OPALIN: variants seen among roughly 807,000 people sequenced by gnomAD.
The protein encoded by OPALIN is oligodendrocytic myelin paranodal and inner loop protein.
OPALIN carries 15 observed loss-of-function variants against 17.8 expected under a neutral mutation model. That is an observed-to-expected ratio of 0.84 (90% CI 0.56 to 1.29). OPALIN has a LOEUF of 1.29. Among genes scored for constraint, OPALIN ranks in the 50% most tolerant of loss-of-function variants. OPALIN has a pLI of 0.00. For missense variants in OPALIN, 170 were observed against 176.0 expected, an observed-to-expected ratio of 0.97 and a Z score of 0.19; for synonymous variants, 62 against 63.8, an observed-to-expected ratio of 0.97 and a Z score of 0.14.
intron 2 of OPALIN, chr10:96,353,452 G>A (rs752309057): frequency 3.1e-5 from 50 of 1,610,678 alleles, no homozygotes; most frequent in South Asian, 2.3e-4. Flanking sequence ...CCTACCATCC[G>A]CATTGTCCAG....
At chr10:96,355,453 G>A (rs1022686354) in intron 1 of OPALIN, among the ~76,000 whole-genome samples, 163 bp from the exon 2 acceptor site, 1 of 152,080 alleles carries the variant, frequency 6.6e-6, no homozygotes, top group Non-Finnish European at 1.5e-5. Context: ...AAGAAGGAAG[G>A]GGAGGCAAGG....
intron 1 of OPALIN, chr10:96,357,103 C>T: frequency 1.0e-6 from 1 of 985,500 alleles, no homozygotes; most frequent in African/African-American, 1.7e-5. Flanking sequence ...AACCACTGCT[C>T]TTCACGCTAG....
At chr10:96,357,626 G>T (rs1427933840) in intron 1 of OPALIN, among the ~76,000 whole-genome samples, 1 of 152,132 alleles carries the variant, frequency 6.6e-6, no homozygotes, top group East Asian at 1.9e-4. Context: ...CTATTAACTT[G>T]CCTTGCCCAC....
At chr10:96,354,745 T>C (rs547646887) in intron 2 of OPALIN, among the ~76,000 whole-genome samples, 41 of 150,892 alleles carry the variant, frequency 2.7e-4, no homozygotes, top group African/African-American at 9.2e-4. Context: ...TTATAAGTTT[T>C]ATAATGGAAA....
Position 96,345,713 on chromosome 10 carries a change from C to G in OPALIN, c.*228G>C, listed in dbSNP as rs2134007311. 1 of 416,520 alleles carries G rather than the reference C, an allele frequency of 2.4e-6. No individual in the cohort carries two copies. The highest frequency in any genetic ancestry group is 4.2e-6 in the Non-Finnish European group (1 of 236,704). The allele number at this position is 416,520 out of a possible 1,614,324, so 25.8% of individuals were successfully genotyped here. A position where few individuals can be genotyped will look rare whatever the true frequency, so the allele number is the denominator to read the frequency against. On this transcript the variant is annotated 3_prime_UTR_variant, in exon 6 of 6. Transcript: ENST00000371172. Reference sequence around the variant, plus strand: ...GGAGCAGGAATAGGATCTAAGGACCCCATCTGGTGAGTCACATGTACTAAC... The same window carrying G: ...GGAGCAGGAATAGGATCTAAGGACCGCATCTGGTGAGTCACATGTACTAAC...
At chr10:96,356,775 C>T (rs530818384) in intron 1 of OPALIN, 3 of 546,942 alleles carry the variant, frequency 5.5e-6, no homozygotes, top group Non-Finnish European at 7.0e-6. Context: ...GCTCAACTAG[C>T]ACGCTTCAGT....
chr10:96,349,065 A>C (rs1845459614), intron 4 of OPALIN, among the ~76,000 whole-genome samples: 1 of 152,198 alleles, frequency 6.6e-6, no homozygotes, highest in Admixed American at 6.5e-5. Flanking sequence ...CTCAATTTTC[A>C]ATCTCTTAAT....
Position 96,358,922 on chromosome 10 carries a change from T to C in OPALIN, c.-26A>G, listed in dbSNP as rs897114114. On this transcript the variant is annotated 5_prime_UTR_variant, in exon 1 of 6. Coordinates refer to ENST00000371172, the MANE Select transcript of OPALIN (RefSeq NM_033207.5). The stretch of plus-strand genomic sequence containing the variant: ...TTCTGACAGTCTCCCAGGAACCTTC[T>C]TCGTACACTGCCTTTGGTAAGCTCC... The C allele has an allele frequency of 1.2e-6, 2 of 1,613,664 alleles. No individual in the cohort carries two copies. The highest frequency in any genetic ancestry group is 1.7e-6 in the Non-Finnish European group (2 of 1,179,506).
Position 96,345,072 on chromosome 10 carries a change from TG to T in OPALIN, c.*868del, listed in dbSNP as rs539005372. ...AGATAACAATTTGGATCATAGGCCA[TG>T]GAGAAAGTTTGTCCTAAATGTTCCC... On this transcript the variant is annotated 3_prime_UTR_variant, in exon 6 of 6. Coordinates refer to ENST00000371172, the MANE Select transcript of OPALIN (RefSeq NM_033207.5). 2 of 152,336 alleles carry T rather than the reference TG, an allele frequency of 1.3e-5. No homozygotes were observed. Among genetic ancestry groups the T allele is most frequent in the African/African-American group, 4.8e-5 (2 of 41,572 alleles). The allele number at this position is 152,336 out of a possible 1,614,324, so 9.4% of individuals were successfully genotyped here.
chr10:96,353,404 G>A (rs1182696282), intron 2 of OPALIN: 1 of 1,612,892 alleles, frequency 6.2e-7, no homozygotes, highest in Admixed American at 1.7e-5. Context: ...TGAAGTGGAA[G>A]GGTTATGCAG....
Position 96,346,104 on chromosome 10 carries a change from G to T in OPALIN, c.263C>A (p.Ser88Ter). Residue 88 changes from serine to a stop codon, truncating the protein, a stop_gained, in exon 6 of 6, where the codon TCA becomes TAA. Transcript: ENST00000371172. LOFTEE classifies it high-confidence loss of function. ...NPKISENPRR[S>*]PTHEKNTMGA... ...CATCGTATTCTTCTCATGTGTGGGT[G>T]ATCTCCTAGGATTCTTAAGGAAACA... 2 of 1,613,498 alleles carry T rather than the reference G, an allele frequency of 1.2e-6. No individual in the cohort carries two copies. Among genetic ancestry groups the T allele is most frequent in the Non-Finnish European group, 1.7e-6 (2 of 1,179,696 alleles).
At chr10:96,358,186 TAAAAAA>T (rs61616596) in intron 1 of OPALIN, among the ~76,000 whole-genome samples, 2,028 of 61,590 alleles carry the variant, frequency 0.033, 63 homozygotes, top group African/African-American at 0.096. Flanking sequence ...ATGCTTTTTG[TAAAAAA>T]AAAAAAAAAA....
intron 2 of OPALIN, among the ~76,000 whole-genome samples, chr10:96,352,706 G>T (rs1326080338): frequency 6.6e-6 from 1 of 151,374 alleles, no homozygotes; most frequent in Non-Finnish European, 1.5e-5. Flanking sequence ...AAAAAGGAAG[G>T]TGTTAACTCT....
chr10:96,353,505 G>A, intron 2 of OPALIN: 1 of 1,355,052 alleles, frequency 7.4e-7, no homozygotes, highest in Non-Finnish European at 1.1e-6. Flanking sequence ...GACAACACCA[G>A]GCAAAGCAAA....
intron 2 of OPALIN, 67 bp downstream of exon 2, chr10:96,355,188 A>T: frequency 7.5e-7 from 1 of 1,325,372 alleles, no homozygotes; most frequent in Non-Finnish European, 1.1e-6. Flanking sequence ...TGAGTTCTGG[A>T]GACCTACTGT....
At chr10:96,357,920 G>A (rs1172608812) in intron 1 of OPALIN, among the ~76,000 whole-genome samples, 1 of 152,060 alleles carries the variant, frequency 6.6e-6, no homozygotes, top group East Asian at 1.9e-4. Context: ...GTGGCTGAAC[G>A]TCCTTCATTA....
At chr10:96,356,127 G>C (rs796326774) in intron 1 of OPALIN, among the ~76,000 whole-genome samples, 2 of 152,290 alleles carry the variant, frequency 1.3e-5, no homozygotes, top group East Asian at 3.9e-4. Context: ...GGGTGGAAGT[G>C]GTCTTGTTCC....
intron 2 of OPALIN, 120 bp from the exon 3 acceptor site, chr10:96,351,530 T>G: frequency 1.9e-6 from 1 of 533,088 alleles, no homozygotes; most frequent in East Asian, 3.3e-5. Flanking sequence ...TGCTAAACTT[T>G]CTGTTAACAA....
chr10:96,352,360 A>G (rs61096916), intron 2 of OPALIN, among the ~76,000 whole-genome samples: 3,359 of 152,178 alleles, frequency 0.022, 143 homozygotes, highest in African/African-American at 0.074. Context: ...AATGTAATAG[A>G]TCTCAGAGAA....
Sources: allele counts gnomAD v4.1 joint callset (sites outside exome capture counted in the v4.1 genomes callset), GRCh38; gene constraint gnomAD v4.1.1; transcripts MANE v1.5; gene names NCBI Gene and HGNC (gene_info 2026-07-23, HGNC 2026-07-21).